Variants in EXOC6B observed in about 807,000 individuals in gnomAD.
The protein encoded by EXOC6B is SEC15 homolog B.
A neutral mutation model predicts 113.5 loss-of-function variants in EXOC6B; 54 were observed. That is an observed-to-expected ratio of 0.48 (90% CI 0.38 to 0.60). The LOEUF (loss-of-function observed/expected upper bound fraction) is 0.60. EXOC6B is among the 20% of genes least tolerant of loss of function. EXOC6B has a pLI of 0.00. For missense variants in EXOC6B, 797 were observed against 977.5 expected (o/e 0.82, Z 2.46); for synonymous variants, 357 against 339.0 (o/e 1.05, Z -0.58).
At chr2:72,748,443 T>A (rs1246303787) in intron 1 of EXOC6B, among the ~76,000 whole-genome samples, 1 of 152,080 alleles carries the variant, frequency 6.6e-6, no homozygotes, top group Non-Finnish European at 1.5e-5. Context: ...AGTTTGTCTA[T>A]CAGTTTAATT....
At chr2:72,776,459 A>G (rs1415183333) in intron 1 of EXOC6B, among the ~76,000 whole-genome samples, 2 of 152,076 alleles carry the variant, frequency 1.3e-5, no homozygotes, top group Non-Finnish European at 2.9e-5. Flanking sequence ...TCTACAAACA[A>G]TACAAAAATT....
In EXOC6B at chr2:72,674,812, T is replaced by C. The variant is rs144452553; in HGVS notation, c.669+43291A>G. On this transcript the variant is annotated intron_variant, in intron 6 of 21. Transcript: ENST00000272427. Reference sequence around the variant, plus strand: ...AGACTCCATCTCAAAAAAAAAAAGATTGTGCAACTGACTGAAAAACATAAA... The same window carrying C: ...AGACTCCATCTCAAAAAAAAAAAGACTGTGCAACTGACTGAAAAACATAAA... 5.7e-4 allele frequency among the ~76,000 whole-genome samples: 86 copies of C among 151,738 alleles called. No homozygotes were observed. In the East Asian group the frequency reaches 0.015, roughly 27 times the overall value.
intron 20 of EXOC6B, among the ~76,000 whole-genome samples, chr2:72,330,895 G>T (rs1428327811): frequency 6.6e-6 from 1 of 152,010 alleles, no homozygotes; most frequent in Non-Finnish European, 1.5e-5. Flanking sequence ...TCTAGGTTAG[G>T]TTGTTTGTAG....
chr2:72,726,030 A>G (rs1362922408), intron 5 of EXOC6B, among the ~76,000 whole-genome samples: 1 of 152,228 alleles, frequency 6.6e-6, no homozygotes, highest in Admixed American at 6.5e-5. Flanking sequence ...ATACAATGAG[A>G]GAGTATTCAG....
At chr2:72,298,910 C>G (rs1371085488) in intron 20 of EXOC6B, among the ~76,000 whole-genome samples, 2 of 152,090 alleles carry the variant, frequency 1.3e-5, no homozygotes, top group African/African-American at 4.8e-5. Flanking sequence ...TCTGGCTGTC[C>G]TTAACATTTT....
In EXOC6B at chr2:72,719,292, A is replaced by T. The variant is rs139255270; in HGVS notation, c.465-985T>A. Among the ~76,000 whole-genome samples, 208 of 152,332 alleles carry T rather than the reference A, an allele frequency of 1.4e-3. 2 individuals are homozygous for T. The highest frequency in any genetic ancestry group is 4.4e-3 in the African/African-American group (185 of 41,582). ...GCAAACTCAGTAAAAATAAATAAAT[A>T]AATTAAGAAAAGTCTCCAGCTCTAC... On this transcript the variant is annotated intron_variant, in intron 5 of 21. Coordinates refer to ENST00000272427, the MANE Select transcript of EXOC6B (RefSeq NM_015189.3).
Position 72,508,327 on chromosome 2 carries a change from C to T in EXOC6B, c.1167+4805G>A, listed in dbSNP as rs144651496. 1.2e-3 allele frequency among the ~76,000 whole-genome samples: 187 copies of T among 152,204 alleles called. 3 individuals are homozygous for T. The highest frequency in any genetic ancestry group is 3.9e-3 in the African/African-American group (164 of 41,526). On this transcript the variant is annotated intron_variant, in intron 11 of 21. Coordinates refer to ENST00000272427, the MANE Select transcript of EXOC6B (RefSeq NM_015189.3). The stretch of plus-strand genomic sequence containing the variant: ...ATGTGTCAATTAATCTACAGATTTA[C>T]TGCACAACCAAATTATATCTCAATT...
intron 20 of EXOC6B, among the ~76,000 whole-genome samples, chr2:72,327,147 C>A (rs1190828543): frequency 6.6e-6 from 1 of 152,014 alleles, no homozygotes; most frequent in Non-Finnish European, 1.5e-5. Flanking sequence ...TCCAGACACA[C>A]AAACTCTCCA....
chr2:72,584,411 C>A lies in EXOC6B; in HGVS notation c.670-8743G>T, dbSNP rs578191426. 9.9e-5 allele frequency among the ~76,000 whole-genome samples: 15 copies of A among 152,160 alleles called. No homozygotes were observed. The South Asian group carries it at 2.3e-3, about 23-fold the overall frequency. ...TTAAGCCAACAACTATAAAAAAGGACAAAGTAGGGCATTATATAATGACGA... is the reference window on the plus strand; with the variant it reads ...TTAAGCCAACAACTATAAAAAAGGAAAAAGTAGGGCATTATATAATGACGA... On this transcript the variant is annotated intron_variant, in intron 6 of 21. Transcript: ENST00000272427.
At chr2:72,420,237 T>A (rs917385353) in intron 18 of EXOC6B, among the ~76,000 whole-genome samples, 1 of 152,224 alleles carries the variant, frequency 6.6e-6, no homozygotes, top group Non-Finnish European at 1.5e-5. Context: ...TCTTTGAGAA[T>A]CTTTTTTATT....
chr2:72,773,803 G>A (rs1411316767), intron 1 of EXOC6B, among the ~76,000 whole-genome samples: 1 of 152,168 alleles, frequency 6.6e-6, no homozygotes, highest in Non-Finnish European at 1.5e-5. Flanking sequence ...CTATGGCAAT[G>A]CGCAGTTTTG....
At chr2:72,506,475 T>A (rs780188183) in intron 11 of EXOC6B, among the ~76,000 whole-genome samples, 4 of 152,160 alleles carry the variant, frequency 2.6e-5, no homozygotes, top group Non-Finnish European at 5.9e-5. Flanking sequence ...GACTAAGAAG[T>A]TACCTCAACG....
intron 17 of EXOC6B, among the ~76,000 whole-genome samples, chr2:72,468,302 C>A (rs928078327): frequency 1.3e-5 from 2 of 151,798 alleles, no homozygotes; most frequent in South Asian, 4.2e-4. Context: ...AGTCTTTAAT[C>A]CATTTTATGC....
intron 1 of EXOC6B, among the ~76,000 whole-genome samples, chr2:72,800,698 G>A (rs1471599230): frequency 3.9e-5 from 6 of 152,182 alleles, no homozygotes; most frequent in Non-Finnish European, 5.9e-5. Context: ...ATAAGTAATA[G>A]AGCCAGAAAG....
intron 8 of EXOC6B, among the ~76,000 whole-genome samples, chr2:72,523,507 G>A (rs956950912): frequency 1.3e-5 from 2 of 152,052 alleles, no homozygotes; most frequent in East Asian, 3.9e-4. Context: ...GGCTGGGCGC[G>A]GTGGCTCACG....
chr2:72,312,274 C>G (rs1193935647), intron 20 of EXOC6B, among the ~76,000 whole-genome samples: 1 of 151,766 alleles, frequency 6.6e-6, no homozygotes, highest in Non-Finnish European at 1.5e-5. Flanking sequence ...AAAGGAGAAA[C>G]CAAGCGGGCC....
At chr2:72,518,350 A>G (rs749894777) in intron 8 of EXOC6B, among the ~76,000 whole-genome samples, 3 of 152,182 alleles carry the variant, frequency 2.0e-5, no homozygotes, top group Non-Finnish European at 4.4e-5. Flanking sequence ...GTCACTTAAT[A>G]TATACTAAGT....
chr2:72,420,777 G>A (rs1193504535), intron 18 of EXOC6B, among the ~76,000 whole-genome samples: 3 of 152,090 alleles, frequency 2.0e-5, no homozygotes, highest in African/African-American at 7.2e-5. Flanking sequence ...GGGTCAAATG[G>A]TATTTCTAGT....
intron 1 of EXOC6B, among the ~76,000 whole-genome samples, chr2:72,791,142 C>T (rs969453092): frequency 7.2e-5 from 11 of 152,156 alleles, no homozygotes; most frequent in African/African-American, 2.7e-4. Flanking sequence ...GTTCACAACA[C>T]AAAGAAATGA....
Sources: gnomAD v4.1 joint callset for allele counts (sites outside exome capture counted in the v4.1 genomes callset) on GRCh38, gnomAD v4.1.1 for gene constraint, MANE v1.5 for transcripts, NCBI Gene and HGNC (gene_info 2026-07-23, HGNC 2026-07-21) for gene names.